Variants in IQCH observed in about 807,000 individuals in gnomAD.
IQCH encodes IQ domain-containing protein H.
Under a neutral mutation model 117.0 loss-of-function variants are expected in IQCH, and 98 were observed. The observed-to-expected ratio is 0.84, with a 90% CI of 0.71 to 0.99. The LOEUF (loss-of-function observed/expected upper bound fraction) is 0.99. IQCH is among the 50% of genes least tolerant of loss of function. IQCH has a pLI of 0.00. For missense variants in IQCH, 1,102 were observed against 1,243.8 expected (o/e 0.89, Z 1.72); for synonymous variants, 412 against 448.2 (o/e 0.92, Z 1.02).
chr15:67,461,218 A>T (rs537209074), intron 16 of IQCH, among the ~76,000 whole-genome samples: 1 of 152,244 alleles, frequency 6.6e-6, no homozygotes, highest in Non-Finnish European at 1.5e-5. Context: ...CCTACTAAAA[A>T]TACAAGAATA....
intron 16 of IQCH, among the ~76,000 whole-genome samples, chr15:67,449,333 T>A (rs1181852633): frequency 6.6e-6 from 1 of 152,218 alleles, no homozygotes; most frequent in Non-Finnish European, 1.5e-5. Context: ...GCCTAGGTTT[T>A]CTTCTAGGGT....
intron 4 of IQCH, among the ~76,000 whole-genome samples, chr15:67,327,521 T>C (rs1339850899): frequency 6.6e-6 from 1 of 152,220 alleles, no homozygotes; most frequent in African/African-American, 2.4e-5. Flanking sequence ...ATTGCCTACT[T>C]TTTCTTTTTA....
At position 67,457,210 on chromosome 15, in the gene IQCH, C is replaced by T. The variant is rs141876484; in HGVS notation, c.2506-7917C>T. ...TTGCATTTTAATGTTATGCAAACAA[C>T]TCTTACCAAATACCATAATCACATT... On this transcript the variant is annotated intron_variant, in intron 16 of 20. Coordinates refer to ENST00000335894, the MANE Select transcript of IQCH (RefSeq NM_001031715.3). The surrounding 1 kb of genome is among the most constrained non-coding windows in gnomAD (Gnocchi z 5.7). 9.2e-5 allele frequency among the ~76,000 whole-genome samples: 14 copies of T among 152,320 alleles called. No individual in the cohort carries two copies. Among genetic ancestry groups the T allele is most frequent in the African/African-American group, 3.4e-4 (14 of 41,574 alleles).
intron 4 of IQCH, among the ~76,000 whole-genome samples, chr15:67,324,098 C>A (rs374431685): frequency 3.3e-5 from 5 of 151,716 alleles, no homozygotes; most frequent in Admixed American, 6.6e-5. Flanking sequence ...TACCCACCAC[C>A]AGGCCTGGCT....
Position 67,401,875 on chromosome 15 carries a change from G to A in IQCH, c.2097+1570G>A, listed in dbSNP as rs568752664. On this transcript the variant is annotated intron_variant, in intron 14 of 20. Transcript: ENST00000335894. The surrounding 1 kb of genome is among the most constrained non-coding windows in gnomAD (Gnocchi z 4.7). Reference sequence around the variant, plus strand: ...TTTGAACTGGATTTTATTTCGTATTGTATAGATTTTTTTTAAAGCAACACT... The same window carrying A: ...TTTGAACTGGATTTTATTTCGTATTATATAGATTTTTTTTAAAGCAACACT... 3.5e-4 allele frequency among the ~76,000 whole-genome samples: 53 copies of A among 152,154 alleles called. No individual in the cohort carries two copies. Among genetic ancestry groups the A allele is most frequent in the African/African-American group, 1.2e-3 (50 of 41,524 alleles).
intron 4 of IQCH, chr15:67,304,333 T>C: frequency 6.9e-7 from 1 of 1,458,102 alleles, no homozygotes; most frequent in Non-Finnish European, 9.2e-7. Context: ...TGTTTCTTTG[T>C]TTCAGCGAAA....
At position 67,447,707 on chromosome 15, in the gene IQCH, G is replaced by A. The variant is rs2082422211; in HGVS notation, c.2506-17420G>A. ...TGGGACAAAGCTTTTCTGAGCCACC[G>A]GCCCACTACCTGAGCAGCCCCTTCT... On this transcript the variant is annotated intron_variant, in intron 16 of 20. Transcript: ENST00000335894. This position sits in a 1 kb window ranked among gnomAD's most constrained non-coding sequence, Gnocchi z 5.3. Among the ~76,000 whole-genome samples, 1 of 152,076 alleles carries A rather than the reference G, an allele frequency of 6.6e-6. No individual in the cohort carries two copies.
At chr15:67,327,640 G>C (rs977603182) in intron 4 of IQCH, among the ~76,000 whole-genome samples, 2 of 152,156 alleles carry the variant, frequency 1.3e-5, no homozygotes, top group African/African-American at 4.8e-5. Context: ...GCTTCCTAAA[G>C]TGCTGATTCT....
intron 5 of IQCH, 83 bp from the exon 6 acceptor site, chr15:67,343,980 G>T: frequency 8.1e-7 from 1 of 1,242,034 alleles, no homozygotes; most frequent in Admixed American, 2.0e-5. Context: ...AATGGAGTAA[G>T]TTACACTTGT....
rs2082582573 is a variant in IQCH, at chr15:67,453,427, T to C, written c.2506-11700T>C. Among the ~76,000 whole-genome samples, 1 of 151,412 alleles carries C rather than the reference T, an allele frequency of 6.6e-6. No individual in the cohort carries two copies. The highest frequency in any genetic ancestry group is 2.4e-5 in the African/African-American group (1 of 41,116). ...TGGTGTAGATGTCCTTTCTGTTTGT[T>C]AGTTTTCCTTCTAACAGACAGGAAC... On this transcript the variant is annotated intron_variant, in intron 16 of 20. Coordinates refer to ENST00000335894, the MANE Select transcript of IQCH (RefSeq NM_001031715.3). The surrounding 1 kb of genome is among the most constrained non-coding windows in gnomAD (Gnocchi z 5.8).
intron 5 of IQCH, among the ~76,000 whole-genome samples, chr15:67,340,850 C>G (rs1969138055): frequency 6.6e-6 from 1 of 152,156 alleles, no homozygotes; most frequent in African/African-American, 2.4e-5. Flanking sequence ...TCCTGAATTA[C>G]AGATACAAAG....
At position 67,453,228 on chromosome 15, in the gene IQCH, C is replaced by T. The variant is rs1269633991; in HGVS notation, c.2506-11899C>T. ...CTGAAGCCTTCTTCTCTCAACTCGT[C>T]AAAGTCATTCTCCATCCAGCTTTGT... On this transcript the variant is annotated intron_variant, in intron 16 of 20. Coordinates refer to ENST00000335894, the MANE Select transcript of IQCH (RefSeq NM_001031715.3). This position sits in a 1 kb window ranked among gnomAD's most constrained non-coding sequence, Gnocchi z 5.8. Among the ~76,000 whole-genome samples, 2 of 152,320 alleles carry T rather than the reference C, an allele frequency of 1.3e-5. No individual in the cohort carries two copies. The highest frequency in any genetic ancestry group is 4.1e-4 in the South Asian group (2 of 4,824).
At chr15:67,451,737 G>T (rs28798971) in intron 16 of IQCH, among the ~76,000 whole-genome samples, 2 of 152,118 alleles carry the variant, frequency 1.3e-5, no homozygotes, top group South Asian at 4.1e-4. Context: ...ATGTCTATTA[G>T]GTCTGCTTGG....
intron 20 of IQCH, among the ~76,000 whole-genome samples, chr15:67,498,110 C>G (rs897713155): frequency 2.6e-5 from 4 of 152,084 alleles, no homozygotes; most frequent in Admixed American, 2.0e-4. Context: ...AAACTTACTA[C>G]AAAGCTACAG....
chr15:67,342,933 C>T lies in IQCH; in HGVS notation c.509-1130C>T, dbSNP rs1596221697. ...TGGACAGGTTGAGTTGGGGCCCAGGCATCTCCGCTTTTAATAACAAATTCT... is the reference window on the plus strand; with the variant it reads ...TGGACAGGTTGAGTTGGGGCCCAGGTATCTCCGCTTTTAATAACAAATTCT... On this transcript the variant is annotated intron_variant, in intron 5 of 20. Coordinates refer to ENST00000335894, the MANE Select transcript of IQCH (RefSeq NM_001031715.3). The surrounding 1 kb of genome is among the most constrained non-coding windows in gnomAD (Gnocchi z 4.7). Among the ~76,000 whole-genome samples the T allele has an allele frequency of 6.6e-6, 1 of 152,138 alleles. No homozygotes were observed. Among genetic ancestry groups the T allele is most frequent in the African/African-American group, 2.4e-5 (1 of 41,434 alleles).
intron 4 of IQCH, among the ~76,000 whole-genome samples, chr15:67,314,501 A>G (rs62694760): frequency 7.0e-6 from 1 of 141,972 alleles, no homozygotes; most frequent in Middle Eastern, 3.6e-3. Flanking sequence ...AAAAAAAAAA[A>G]GGAAAAGTGG....
Position 67,447,939 on chromosome 15 carries a change from C to T in IQCH, c.2506-17188C>T, listed in dbSNP as rs2082426595. On this transcript the variant is annotated intron_variant, in intron 16 of 20. Transcript: ENST00000335894. The surrounding 1 kb of genome is among the most constrained non-coding windows in gnomAD (Gnocchi z 5.3). ...TGCTTATGGTGGCCCATATATTAAC[C>T]CTCACTGGGCATTAATTTGCTTTCG... Among the ~76,000 whole-genome samples, 1 of 152,110 alleles carries T rather than the reference C, an allele frequency of 6.6e-6. No homozygotes were observed. The highest frequency in any genetic ancestry group is 1.5e-5 in the Non-Finnish European group (1 of 68,034).
intron 6 of IQCH, among the ~76,000 whole-genome samples, chr15:67,355,326 C>T (rs748175800): frequency 4.6e-5 from 7 of 152,058 alleles, no homozygotes; most frequent in Non-Finnish European, 7.4e-5. Flanking sequence ...GTGGCTCACG[C>T]CTGTAATGCC....
At chr15:67,428,326 G>T (rs1422129217) in intron 16 of IQCH, among the ~76,000 whole-genome samples, 1 of 152,090 alleles carries the variant, frequency 6.6e-6, no homozygotes, top group African/African-American at 2.4e-5. Context: ...AGAGTTAAAA[G>T]AACCTAAAGA....
Sources: allele counts gnomAD v4.1 joint callset (sites outside exome capture counted in the v4.1 genomes callset), GRCh38; gene constraint gnomAD v4.1.1; non-coding constraint Gnocchi (gnomAD v3.1); transcripts MANE v1.5; gene names NCBI Gene and HGNC (gene_info 2026-07-23, HGNC 2026-07-21).